LPP: variants seen among roughly 807,000 people sequenced by gnomAD.
The protein encoded by LPP is LIM domain containing preferred translocation partner in lipoma.
Under a neutral mutation model 60.4 loss-of-function variants are expected in LPP, and 38 were observed. The ratio of observed to expected loss-of-function variants is 0.63; its 90% confidence interval spans 0.49 to 0.83. LPP has a LOEUF of 0.83. Ranked by LOEUF, LPP falls within the 40% of genes least tolerant of loss-of-function variation. The pLI, the probability that LPP is intolerant of heterozygous loss-of-function variation, is 0.00. For synonymous variants in LPP, 328 were observed against 290.8 expected, an observed-to-expected ratio of 1.13 and a Z score of -1.30; for missense variants, 902 against 783.6, an observed-to-expected ratio of 1.15 and a Z score of -1.80.
chr3:188,309,000 CCTTCTTCTTTTT>C (rs1261278469), intron 2 of LPP, among the ~76,000 whole-genome samples: 3 of 146,630 alleles, frequency 2.0e-5, no homozygotes, highest in Non-Finnish European at 3.0e-5. Flanking sequence ...CTCTCCTTCT[CCTTCTTCTTTTT>C]CTTCTTCTTC....
chr3:188,462,727 A>G (rs1356097479), intron 4 of LPP, among the ~76,000 whole-genome samples: 1 of 150,924 alleles, frequency 6.6e-6, no homozygotes, highest in African/African-American at 2.4e-5. Context: ...TCAAGTTGTA[A>G]TCAAACTGAA....
chr3:188,228,232 C>T (rs535719507), intron 2 of LPP, among the ~76,000 whole-genome samples: 4 of 152,332 alleles, frequency 2.6e-5, no homozygotes, highest in Admixed American at 2.6e-4. Context: ...GACACACGTG[C>T]TCATGGCCAT....
At chr3:188,870,737 C>T (rs745416380) in intron 10 of LPP, among the ~76,000 whole-genome samples, 1 of 152,174 alleles carries the variant, frequency 6.6e-6, no homozygotes, top group Non-Finnish European at 1.5e-5. Context: ...GATTGTGAGC[C>T]CTCCTCGAAT....
chr3:188,301,804 C>T (rs1749954793), intron 2 of LPP, among the ~76,000 whole-genome samples: 1 of 151,876 alleles, frequency 6.6e-6, no homozygotes, highest in South Asian at 2.1e-4. Context: ...CAGTTGTGTG[C>T]CACAATGCCC....
chr3:188,734,838 A>T lies in LPP; in HGVS notation c.1241-25275A>T, dbSNP rs540399236. Reference sequence around the variant, plus strand: ...AATTTGAAAAGAGTCCAGGAGGAACACTGATAGGTTTGGGGAGCATATGGT... The same window carrying T: ...AATTTGAAAAGAGTCCAGGAGGAACTCTGATAGGTTTGGGGAGCATATGGT... On this transcript the variant is annotated intron_variant, in intron 8 of 11. Coordinates refer to ENST00000617246, the MANE Select transcript of LPP (RefSeq NM_001375462.1). Among the ~76,000 whole-genome samples, 11 of 152,300 alleles carry T rather than the reference A, an allele frequency of 7.2e-5. No homozygotes were observed. In the South Asian group the frequency reaches 2.3e-3, roughly 32 times the overall value.
intron 9 of LPP, among the ~76,000 whole-genome samples, chr3:188,801,702 A>G (rs1747342937): frequency 1.3e-5 from 2 of 152,172 alleles, no homozygotes; most frequent in Non-Finnish European, 2.9e-5. Context: ...CCACTTTGCC[A>G]TTCTTTGCTG....
In LPP at chr3:188,678,705, C is replaced by T. The variant is rs148751184; in HGVS notation, c.1114-29562C>T. ...CATTTTTTGGGCACCCTCAATGGCC[C>T]ATTCGCTGTGTTGGATGTGATGAGG... On this transcript the variant is annotated intron_variant, in intron 7 of 11. Coordinates refer to ENST00000617246, the MANE Select transcript of LPP (RefSeq NM_001375462.1). 2.4e-4 allele frequency among the ~76,000 whole-genome samples: 36 copies of T among 152,212 alleles called. 1 individual carries two copies. The highest frequency in any genetic ancestry group is 8.7e-4 in the African/African-American group (36 of 41,542).
At position 188,318,753 on chromosome 3, in the gene LPP, C is replaced by CTTTTTTTTTTTTTTTT. The variant is rs10708836; in HGVS notation, c.-66-22902_-66-22887dup. Among the ~76,000 whole-genome samples the CTTTTTTTTTTTTTTTT allele has an allele frequency of 9.0e-4, 87 of 96,824 alleles. 3 individuals are homozygous for CTTTTTTTTTTTTTTTT. The highest frequency in any genetic ancestry group is 2.1e-3 in the East Asian group (7 of 3,320). The allele number at this position is 96,824 out of a possible 152,430, so 63.5% of individuals were successfully genotyped here. ...AAAAAATTGAAAAAAAATTATGATT[C>CTTTTTTTTTTTTTTTT]TTTTTTTTTTTTTTTTTTTTTTTGA... is the stretch of plus-strand genomic sequence containing the variant. On this transcript the variant is annotated intron_variant, in intron 2 of 11. Coordinates refer to ENST00000617246, the MANE Select transcript of LPP (RefSeq NM_001375462.1).
chr3:188,830,529 TG>T (rs1756879791), intron 9 of LPP, among the ~76,000 whole-genome samples: 1 of 151,568 alleles, frequency 6.6e-6, no homozygotes, highest in Admixed American at 6.6e-5. Context: ...CGCTTGAACC[TG>T]GGAGGCAGAG....
chr3:188,257,089 AC>A (rs2149641879), intron 2 of LPP, among the ~76,000 whole-genome samples: 1 of 152,190 alleles, frequency 6.6e-6, no homozygotes, highest in Admixed American at 6.5e-5. Context: ...TGATCATGTG[AC>A]CCCATCTCCA....
At chr3:188,869,736 C>T (rs1463427171) in intron 10 of LPP, among the ~76,000 whole-genome samples, 1 of 152,170 alleles carries the variant, frequency 6.6e-6, no homozygotes, top group Non-Finnish European at 1.5e-5. Context: ...TGCCCATGGC[C>T]TGCACTTTGT....
chr3:188,184,685 CTTTT>C (rs34173936), intron 1 of LPP, among the ~76,000 whole-genome samples: 1 of 124,682 alleles, frequency 8.0e-6, no homozygotes, highest in Non-Finnish European at 1.7e-5. Context: ...CTCCGGTAAA[CTTTT>C]TTTTTTTTTT....
chr3:188,241,254 T>C (rs2149466640), intron 2 of LPP, among the ~76,000 whole-genome samples: 1 of 152,330 alleles, frequency 6.6e-6, no homozygotes, highest in East Asian at 1.9e-4. Context: ...CTGCAGCTGT[T>C]TGCCCTGAAG....
At chr3:188,209,331 A>G (rs1734096023) in intron 1 of LPP, among the ~76,000 whole-genome samples, 1 of 152,230 alleles carries the variant, frequency 6.6e-6, no homozygotes, top group Admixed American at 6.5e-5. Context: ...AAGGTAGAAC[A>G]CACTAATAAT....
intron 1 of LPP, among the ~76,000 whole-genome samples, chr3:188,169,079 G>GGCA (rs1485207713): frequency 1.3e-5 from 2 of 152,226 alleles, no homozygotes; most frequent in Non-Finnish European, 2.9e-5. Context: ...GAGGAGAAGA[G>GGCA]GCAGCAGTCC....
At chr3:188,487,896 A>C (rs183044623) in intron 5 of LPP, among the ~76,000 whole-genome samples, 1 of 152,348 alleles carries the variant, frequency 6.6e-6, no homozygotes, top group Admixed American at 6.5e-5. Flanking sequence ...AAGAACGTCT[A>C]CTAAGAGTGA....
chr3:188,725,245 C>T (rs1185104336), intron 8 of LPP: 1 of 152,252 alleles, frequency 6.6e-6, no homozygotes, highest in Non-Finnish European at 1.5e-5. Context: ...TGTTCTACCT[C>T]TCTGGTCACA....
chr3:188,448,371 A>AATATCTATCTAAATAGATATTATTTCG, intron 4 of LPP, among the ~76,000 whole-genome samples: 1 of 150,458 alleles, frequency 6.6e-6, no homozygotes, highest in South Asian at 2.1e-4. Context: ...AATAGATAAT[A>AATATCTATCTAAATAGATATTATTTCG]ATATCTATCT....
At chr3:188,462,594 G>A (rs57772947) in intron 4 of LPP, among the ~76,000 whole-genome samples, 1,127 of 8,498 alleles carry the variant, frequency 0.13, 6 homozygotes, top group Middle Eastern at 0.3. Flanking sequence ...ATGCATGTGT[G>A]TGTGTGTGTG....
Sources: gnomAD v4.1 joint callset for allele counts (sites outside exome capture counted in the v4.1 genomes callset) on GRCh38, gnomAD v4.1.1 for gene constraint, MANE v1.5 for transcripts, NCBI Gene and HGNC (gene_info 2026-07-23, HGNC 2026-07-21) for gene names.